CFDP1: variants seen among roughly 807,000 people sequenced by gnomAD.
CFDP1 encodes chromatin remodeling protein CFDP1.
In CFDP1, 31 loss-of-function variants were observed where a neutral mutation model predicts 40.1. That is an observed-to-expected ratio of 0.77 (90% confidence interval 0.58 to 1.04). The LOEUF is 1.04. Ranked by LOEUF, CFDP1 falls within the 50% of genes least tolerant of loss-of-function variation. CFDP1 has a pLI of 0.00. For synonymous variants in CFDP1, 167 were observed against 120.0 expected (o/e 1.39, Z -2.56); for missense variants, 423 against 343.4 (o/e 1.23, Z -1.83).
chr16:75,365,343 G>A (rs2078706319), intron 5 of CFDP1, among the ~76,000 whole-genome samples: 1 of 152,130 alleles, frequency 6.6e-6, no homozygotes, highest in Admixed American at 6.5e-5. Context: ...GAAAACTCTT[G>A]CCTATTTGAA....
intron 4 of CFDP1, among the ~76,000 whole-genome samples, chr16:75,397,992 A>C (rs2079012003): frequency 6.6e-6 from 1 of 152,182 alleles, no homozygotes; most frequent in African/African-American, 2.4e-5. Flanking sequence ...CTTGAGTCAT[A>C]AGGAGAATAC....
rs140453630 is a variant in CFDP1 at position 75,311,173 on chromosome 16, A to C, written c.651-5991T>G. Among the ~76,000 whole-genome samples, 233 of 152,318 alleles carry C rather than the reference A, an allele frequency of 1.5e-3. 2 individuals carry two copies. Among genetic ancestry groups the C allele is most frequent in the African/African-American group, 5.3e-3 (221 of 41,564 alleles). ...TCCAAAAGGTTAAGAAACCTGCCCA[A>C]GTTTATAGCAGGAGACTTGGGGTTA... On this transcript the variant is annotated intron_variant, in intron 5 of 6. Transcript: ENST00000283882.
intron 4 of CFDP1, among the ~76,000 whole-genome samples, chr16:75,408,169 G>A (rs1486165908): frequency 6.6e-6 from 1 of 151,902 alleles, no homozygotes; most frequent in Non-Finnish European, 1.5e-5. Context: ...GAGAAAGAAC[G>A]CACGCACAGT....
chr16:75,402,691 TGAA>T (rs1341548542), intron 4 of CFDP1, among the ~76,000 whole-genome samples: 1 of 152,104 alleles, frequency 6.6e-6, no homozygotes, highest in Non-Finnish European at 1.5e-5. Context: ...AATAATGACA[TGAA>T]GAAATTAAAA....
chr16:75,373,192 G>C (rs2078766591), intron 5 of CFDP1, among the ~76,000 whole-genome samples: 1 of 152,166 alleles, frequency 6.6e-6, no homozygotes, highest in African/African-American at 2.4e-5. Flanking sequence ...TGAAAAGAAG[G>C]CATAATTCCC....
intron 4 of CFDP1, among the ~76,000 whole-genome samples, chr16:75,399,793 T>C (rs2079032744): frequency 6.6e-6 from 1 of 151,996 alleles, no homozygotes; most frequent in African/African-American, 2.4e-5. Flanking sequence ...GGCAAGACCC[T>C]AACTCTACAA....
At chr16:75,414,014 CTCT>C (rs1459366789) in intron 2 of CFDP1, among the ~76,000 whole-genome samples, 2 of 152,042 alleles carry the variant, frequency 1.3e-5, no homozygotes, top group African/African-American at 4.8e-5. Flanking sequence ...ATTCACTGCA[CTCT>C]TCTTTGTTGT....
intron 3 of CFDP1, 24 bp from the exon 4 acceptor site, chr16:75,411,976 A>G: frequency 6.3e-7 from 1 of 1,575,556 alleles, no homozygotes; most frequent in South Asian, 1.2e-5. Context: ...AAGAAATGTA[A>G]TGTTTCACCA....
intron 4 of CFDP1, 79 bp downstream of exon 4, chr16:75,411,746 G>C: frequency 7.5e-7 from 1 of 1,337,880 alleles, no homozygotes; most frequent in Non-Finnish European, 1.0e-6. Context: ...TTGAAAAGAG[G>C]ATAGATGGCT....
At chr16:75,303,400 A>AATGAATGTATGTATGCATGT (rs55834001) in intron 6 of CFDP1, among the ~76,000 whole-genome samples, 1 of 146,168 alleles carries the variant, frequency 6.8e-6, no homozygotes, top group Non-Finnish European at 1.5e-5. Flanking sequence ...TAAATAAATA[A>AATGAATGTATGTATGCATGT]ATGTATGTAT....
At chr16:75,332,534 G>C (rs2078453621) in intron 5 of CFDP1, among the ~76,000 whole-genome samples, 1 of 151,666 alleles carries the variant, frequency 6.6e-6, no homozygotes, top group South Asian at 2.1e-4. Flanking sequence ...CGATGTGGTG[G>C]TGCTTGTTTG....
At chr16:75,411,348 T>C (rs187437164) in intron 4 of CFDP1, among the ~76,000 whole-genome samples, 3 of 152,100 alleles carry the variant, frequency 2.0e-5, no homozygotes, top group South Asian at 4.2e-4. Flanking sequence ...GAGGCAGAGG[T>C]TGCAGGGAGC....
At chr16:75,377,830 A>T (rs2078815155) in intron 5 of CFDP1, among the ~76,000 whole-genome samples, 1 of 152,216 alleles carries the variant, frequency 6.6e-6, no homozygotes, top group Admixed American at 6.5e-5. Flanking sequence ...AAACTGCTTT[A>T]GCAATAAATA....
At chr16:75,368,602 T>C (rs2078732347) in intron 5 of CFDP1, among the ~76,000 whole-genome samples, 1 of 152,228 alleles carries the variant, frequency 6.6e-6, no homozygotes, top group African/African-American at 2.4e-5. Context: ...TGGCAAAATA[T>C]TGATAACTGT....
intron 6 of CFDP1, among the ~76,000 whole-genome samples, chr16:75,302,807 G>A (rs1219873283): frequency 6.6e-6 from 1 of 152,200 alleles, no homozygotes; most frequent in Non-Finnish European, 1.5e-5. Flanking sequence ...GTCTTCCCCT[G>A]ATCACTCTGG....
intron 6 of CFDP1, among the ~76,000 whole-genome samples, chr16:75,299,929 G>A (rs556450022): frequency 7.2e-5 from 11 of 152,228 alleles, no homozygotes; most frequent in African/African-American, 2.2e-4. Flanking sequence ...CCTGGGGAAG[G>A]AGCACTACAC....
chr16:75,401,884 G>C (rs1439719086), intron 4 of CFDP1, among the ~76,000 whole-genome samples: 2 of 152,074 alleles, frequency 1.3e-5, no homozygotes, highest in Admixed American at 6.6e-5. Flanking sequence ...TGCTCTTAAG[G>C]AGCTCACAGT....
intron 5 of CFDP1, among the ~76,000 whole-genome samples, chr16:75,331,808 T>C (rs2078447936): frequency 6.6e-6 from 1 of 152,182 alleles, no homozygotes; most frequent in Non-Finnish European, 1.5e-5. Context: ...GTAGAGATGT[T>C]TTCATTTCTT....
chr16:75,325,884 G>T (rs1365093146), intron 5 of CFDP1, among the ~76,000 whole-genome samples: 5 of 152,208 alleles, frequency 3.3e-5, no homozygotes, highest in African/African-American at 1.2e-4. Context: ...TTTATTAATT[G>T]CAACAGACAT....
Sources: allele counts gnomAD v4.1 joint callset (sites outside exome capture counted in the v4.1 genomes callset), GRCh38; gene constraint gnomAD v4.1.1; transcripts MANE v1.5; gene names NCBI Gene and HGNC (gene_info 2026-07-23, HGNC 2026-07-21).